Variants in LMBR1 observed in about 807,000 individuals in gnomAD.
LMBR1 encodes limb development membrane protein 1.
Under a neutral mutation model 73.9 loss-of-function variants are expected in LMBR1, and 52 were observed. The observed-to-expected ratio is 0.70, with a 90% CI of 0.56 to 0.89. The LOEUF (loss-of-function observed/expected upper bound fraction) is 0.89, where lower values mean the gene tolerates loss of function less well. Among genes scored for constraint, LMBR1 ranks in the 40% least tolerant of loss-of-function variants. The pLI, the probability that LMBR1 is intolerant of heterozygous loss-of-function variation, is 0.00. For missense variants in LMBR1, 539 were observed against 579.8 expected, an observed-to-expected ratio of 0.93 and a Z score of 0.72; for synonymous variants, 215 against 209.4, an observed-to-expected ratio of 1.03 and a Z score of -0.23.
In LMBR1 at chr7:156,688,024, G is replaced by A. The variant is rs780198598; in HGVS notation, c.1387+6C>T. 5.1e-6 allele frequency: 8 copies of A among 1,576,408 alleles called. No homozygotes were observed. The Middle Eastern group carries it at 1.0e-3, about 201-fold the overall frequency. ...AGGAAAAAATACCCATAAACCTCAG[G>A]ATTACCTAGGGCCTTGAAAAGTTCT... On this transcript the variant is annotated splice_donor_region_variant and intron_variant, in intron 16 of 16. Coordinates refer to ENST00000353442, the MANE Select transcript of LMBR1 (RefSeq NM_022458.4).
At position 156,893,006 on chromosome 7, in the gene LMBR1, C is replaced by T; in HGVS notation, c.-13G>A. On this transcript the variant is annotated 5_prime_UTR_variant, in exon 1 of 17. Transcript: ENST00000353442. ...CCTGCCCTTCCATCCTCCTTCATGC[C>T]CGCCGCCGCGCCGCCCGCGTCCGCG... 1 of 1,514,180 alleles carries T rather than the reference C, an allele frequency of 6.6e-7. No individual in the cohort carries two copies. The allele number at this position is 1,514,180 out of a possible 1,614,324, so 93.8% of individuals were successfully genotyped here.
intron 1 of LMBR1, among the ~76,000 whole-genome samples, chr7:156,866,958 G>A (rs966862158): frequency 2.6e-5 from 4 of 152,158 alleles, no homozygotes; most frequent in African/African-American, 7.2e-5. Flanking sequence ...ATACAAGCGT[G>A]AGACCTTCGT....
intron 4 of LMBR1, among the ~76,000 whole-genome samples, chr7:156,672,248 C>T (rs917821960): frequency 3.9e-5 from 6 of 152,146 alleles, no homozygotes; most frequent in Non-Finnish European, 8.8e-5. Flanking sequence ...CTACTATGGT[C>T]GGTGCGTGTA....
intron 4 of LMBR1, among the ~76,000 whole-genome samples, chr7:156,802,807 C>T (rs1831244876): frequency 6.6e-6 from 1 of 152,058 alleles, no homozygotes; most frequent in Non-Finnish European, 1.5e-5. Flanking sequence ...CAGTCAGCCA[C>T]TGACTCTGCA....
chr7:156,774,352 C>A (rs898432932), intron 5 of LMBR1, among the ~76,000 whole-genome samples: 14 of 152,140 alleles, frequency 9.2e-5, no homozygotes, highest in African/African-American at 3.1e-4. Context: ...ATCCAGCAAT[C>A]CCATTATTGG....
At position 156,788,165 on chromosome 7, in the gene LMBR1, T is replaced by G. The variant is rs183600191; in HGVS notation, c.423+8224A>C. ...AAAGTTTTCATAAGGCCGGGTACAG[T>G]AGCTCAAGCCTGGAATCCCAGCATT... On this transcript the variant is annotated intron_variant, in intron 5 of 16. Transcript: ENST00000353442. Among the ~76,000 whole-genome samples, 7 of 152,208 alleles carry G rather than the reference T, an allele frequency of 4.6e-5. No individual in the cohort carries two copies. The East Asian group carries it at 9.7e-4, about 21-fold the overall frequency.
intron 7 of LMBR1, among the ~76,000 whole-genome samples, 191 bp from the exon 8 acceptor site, chr7:156,762,389 C>T (rs1250065817): frequency 6.6e-6 from 1 of 152,050 alleles, no homozygotes; most frequent in East Asian, 1.9e-4. Flanking sequence ...CTAGAGGGGC[C>T]ATGTGAGCAG....
intron 1 of LMBR1, among the ~76,000 whole-genome samples, chr7:156,843,529 A>C (rs375162147): frequency 1.2e-4 from 18 of 152,316 alleles, no homozygotes; most frequent in African/African-American, 4.1e-4. Context: ...TTATGTTTAA[A>C]GGTGAAACAC....
At chr7:156,888,028 C>T (rs1802209694) in intron 1 of LMBR1, among the ~76,000 whole-genome samples, 1 of 152,122 alleles carries the variant, frequency 6.6e-6, no homozygotes, top group Non-Finnish European at 1.5e-5. Context: ...GGTGAAGATG[C>T]GGAAGAACCA....
At chr7:156,772,345 T>C (rs189934695) in intron 5 of LMBR1, among the ~76,000 whole-genome samples, 1 of 152,108 alleles carries the variant, frequency 6.6e-6, no homozygotes, top group Non-Finnish European at 1.5e-5. Context: ...TCCCTTCATG[T>C]TAAAAACTCT....
chr7:156,808,248 T>C (rs904984416), intron 4 of LMBR1, among the ~76,000 whole-genome samples: 3 of 152,138 alleles, frequency 2.0e-5, no homozygotes, highest in Non-Finnish European at 4.4e-5. Context: ...ACACTTTCCG[T>C]TTTTGCTTCA....
intron 15 of LMBR1, among the ~76,000 whole-genome samples, chr7:156,720,490 G>A (rs192736879): frequency 2.1e-4 from 32 of 152,184 alleles, no homozygotes; most frequent in African/African-American, 5.8e-4. Context: ...AGTTTTTATG[G>A]TGGTATCATG....
At chr7:156,711,821 C>T (rs1310165955) in intron 15 of LMBR1, among the ~76,000 whole-genome samples, 1 of 152,110 alleles carries the variant, frequency 6.6e-6, no homozygotes, top group African/African-American at 2.4e-5. Flanking sequence ...AAACTGGACC[C>T]CTATCTCTCG....
intron 4 of LMBR1, among the ~76,000 whole-genome samples, chr7:156,808,526 T>C (rs937826348): frequency 6.6e-6 from 1 of 152,186 alleles, no homozygotes; most frequent in African/African-American, 2.4e-5. Flanking sequence ...TATATTCAAT[T>C]TGATAATCTC....
Position 156,881,439 on chromosome 7 carries a change from G to A in LMBR1, c.66+11489C>T, listed in dbSNP as rs371984055. 1.3e-4 allele frequency among the ~76,000 whole-genome samples: 20 copies of A among 152,264 alleles called. No homozygotes were observed. In the East Asian group the frequency reaches 1.5e-3, roughly 12 times the overall value. ...ACACCGGCCTTGGCAATGATTTCAC[G>A]GATATAACATCAATAGCACAGGCAA... On this transcript the variant is annotated intron_variant, in intron 1 of 16. Coordinates refer to ENST00000353442, the MANE Select transcript of LMBR1 (RefSeq NM_022458.4).
intron 15 of LMBR1, among the ~76,000 whole-genome samples, chr7:156,701,269 G>T (rs1040562328): frequency 2.0e-5 from 3 of 152,158 alleles, no homozygotes; most frequent in African/African-American, 7.2e-5. Flanking sequence ...TGCATTATTT[G>T]CAATACCCAA....
At chr7:156,857,578 G>T (rs946625532) in intron 1 of LMBR1, among the ~76,000 whole-genome samples, 11 of 152,170 alleles carry the variant, frequency 7.2e-5, no homozygotes, top group African/African-American at 2.7e-4. Context: ...GTACATAGTT[G>T]AACTGAACGG....
chr7:156,827,503 G>C (rs898955066), intron 3 of LMBR1, among the ~76,000 whole-genome samples: 9 of 151,760 alleles, frequency 5.9e-5, no homozygotes, highest in African/African-American at 2.2e-4. Flanking sequence ...TAGGAAAGAG[G>C]GATTATAAGG....
intron 4 of LMBR1, among the ~76,000 whole-genome samples, chr7:156,672,411 A>G (rs1802750361): frequency 1.3e-5 from 2 of 152,230 alleles, no homozygotes; most frequent in African/African-American, 2.4e-5. Context: ...ACTGAGGCAG[A>G]AGGAGGCAAT....
Sources: gnomAD v4.1 joint callset for allele counts (sites outside exome capture counted in the v4.1 genomes callset) on GRCh38, gnomAD v4.1.1 for gene constraint, MANE v1.5 for transcripts, NCBI Gene and HGNC (gene_info 2026-07-23, HGNC 2026-07-21) for gene names.